Variants in SLC23A2 observed in about 807,000 individuals in gnomAD.
SLC23A2 encodes Na(+)/L-ascorbic acid transporter 2.
In SLC23A2, 36 loss-of-function variants were observed where a neutral mutation model predicts 73.3. The ratio of observed to expected loss-of-function variants is 0.49; its 90% CI spans 0.38 to 0.65. The LOEUF is 0.65. SLC23A2 is among the 30% of genes least tolerant of loss of function. The pLI is 0.00. For missense variants in SLC23A2, 507 were observed against 841.6 expected, an observed-to-expected ratio of 0.60 and a Z score of 4.92; for synonymous variants, 343 against 327.3, an observed-to-expected ratio of 1.05 and a Z score of -0.52.
At chr20:4,950,979 C>CTGGGGAGA (rs2087193081) in intron 2 of SLC23A2, among the ~76,000 whole-genome samples, 1 of 152,132 alleles carries the variant, frequency 6.6e-6, no homozygotes, top group Non-Finnish European at 1.5e-5. Flanking sequence ...GGTTGGGAGC[C>CTGGGGAGA]AGGTGCTTCA....
At chr20:4,944,274 C>CG (rs1391838264) in intron 2 of SLC23A2, among the ~76,000 whole-genome samples, 1 of 152,130 alleles carries the variant, frequency 6.6e-6, no homozygotes, top group East Asian at 1.9e-4. Flanking sequence ...GAGTCTTGCT[C>CG]CGTCGCCCAG....
rs1395814905 is a variant in SLC23A2 at position 4,899,370 on chromosome 20, C to T, written c.482+185G>A. 6.6e-6 allele frequency among the ~76,000 whole-genome samples: 1 copy of T among 151,948 alleles called. No homozygotes were observed. Among genetic ancestry groups the T allele is most frequent in the African/African-American group, 2.4e-5 (1 of 41,338 alleles). Reference sequence around the variant, plus strand: ...TGGGTAGGGGAAGGTGGCGGTGGTGCCATTCACCAAGAGAGGAAATGACTG... The same window carrying T: ...TGGGTAGGGGAAGGTGGCGGTGGTGTCATTCACCAAGAGAGGAAATGACTG... On this transcript the variant is annotated intron_variant, in intron 6 of 16. Coordinates refer to ENST00000338244, the MANE Select transcript of SLC23A2 (RefSeq NM_005116.6). This position sits in a 1 kb window ranked among gnomAD's most constrained non-coding sequence, Gnocchi z 4.9.
chr20:4,972,643 G>A (rs1258170390), intron 1 of SLC23A2, among the ~76,000 whole-genome samples: 2 of 151,962 alleles, frequency 1.3e-5, no homozygotes, highest in African/African-American at 2.4e-5. Flanking sequence ...CTGGAGTGCC[G>A]TGGCGCAATC....
At chr20:4,952,866 T>C (rs2087223976) in intron 2 of SLC23A2, among the ~76,000 whole-genome samples, 2 of 148,290 alleles carry the variant, frequency 1.3e-5, no homozygotes, top group African/African-American at 2.5e-5. Flanking sequence ...CTACTAAAAA[T>C]ACAAAAATTA....
chr20:4,990,971 CAAA>C (rs1198847840), intron 1 of SLC23A2, among the ~76,000 whole-genome samples: 4 of 56,826 alleles, frequency 7.0e-5, no homozygotes, highest in Non-Finnish European at 1.6e-4. Flanking sequence ...AACTCCATCT[CAAA>C]AAAAAAAAAA....
At chr20:4,911,456 CT>C in intron 4 of SLC23A2, among the ~76,000 whole-genome samples, 1 of 152,206 alleles carries the variant, frequency 6.6e-6, no homozygotes, top group East Asian at 1.9e-4. Context: ...TTCTTAATCA[CT>C]TTAGTGATTA....
intron 1 of SLC23A2, among the ~76,000 whole-genome samples, chr20:4,976,854 T>C (rs1247418563): frequency 1.3e-5 from 2 of 151,822 alleles, no homozygotes; most frequent in Admixed American, 1.3e-4. Flanking sequence ...CGCCCGCCTG[T>C]AGTCCCAGCT....
chr20:4,939,985 C>A (rs930104405), intron 2 of SLC23A2, among the ~76,000 whole-genome samples: 1 of 152,108 alleles, frequency 6.6e-6, no homozygotes, highest in Non-Finnish European at 1.5e-5. Context: ...TAATACCCCC[C>A]CAACAGGTCA....
In SLC23A2 at chr20:4,864,653, T is replaced by G. The variant is rs189376418; in HGVS notation, c.1357-1746A>C. ...GACTTGTTAGACTGGGACAGGTGAA[T>G]GCAAAGATGAATAAGTCACAAGCTT... On this transcript the variant is annotated intron_variant, in intron 13 of 16. Transcript: ENST00000338244. Among the ~76,000 whole-genome samples the G allele has an allele frequency of 2.5e-3, 376 of 152,332 alleles. 3 individuals carry two copies. Among genetic ancestry groups the G allele is most frequent in the African/African-American group, 8.7e-3 (360 of 41,568 alleles).
intron 4 of SLC23A2, among the ~76,000 whole-genome samples, chr20:4,904,394 T>A (rs1931862382): frequency 6.6e-6 from 1 of 152,190 alleles, no homozygotes. Flanking sequence ...TGGTGTCTCC[T>A]AGACCCTGCC....
intron 11 of SLC23A2, among the ~76,000 whole-genome samples, chr20:4,870,592 GAAA>G (rs1326856184): frequency 1.3e-5 from 2 of 151,428 alleles, no homozygotes; most frequent in African/African-American, 4.9e-5. Context: ...AAAAAAAGAA[GAAA>G]AAGAAGAAGA....
intron 6 of SLC23A2, among the ~76,000 whole-genome samples, chr20:4,887,728 C>T (rs1397138274): frequency 2.6e-5 from 4 of 152,178 alleles, no homozygotes; most frequent in Non-Finnish European, 4.4e-5. Flanking sequence ...AAAAGTCTCC[C>T]GAGATGATCT....
At chr20:4,922,801 C>T (rs954404903) in intron 3 of SLC23A2, among the ~76,000 whole-genome samples, 1 of 151,542 alleles carries the variant, frequency 6.6e-6, no homozygotes, top group Admixed American at 6.6e-5. Flanking sequence ...CACTGCACTC[C>T]AGCCTGGGTG....
At chr20:4,858,535 A>T (rs1929828191) in intron 16 of SLC23A2, among the ~76,000 whole-genome samples, 1 of 149,250 alleles carries the variant, frequency 6.7e-6, no homozygotes, top group East Asian at 2.0e-4. Context: ...GAGGTTTTTT[A>T]TTTTTTTTGG....
At chr20:5,004,289 T>C (rs1202232166), upstream of SLC23A2, among the ~76,000 whole-genome samples, 1 of 152,194 alleles carries the variant, frequency 6.6e-6, no homozygotes, top group African/African-American at 2.4e-5. Context: ...TTCAAACTGG[T>C]CTTTGAGTCC....
chr20:4,991,374 T>C (rs898650592), intron 1 of SLC23A2, among the ~76,000 whole-genome samples: 3 of 152,128 alleles, frequency 2.0e-5, no homozygotes, highest in Non-Finnish European at 1.5e-5. Flanking sequence ...CTTCCCAAAG[T>C]ACTGGGATTA....
chr20:5,002,760 C>T (rs1325223527), upstream of SLC23A2, among the ~76,000 whole-genome samples: 1 of 152,170 alleles, frequency 6.6e-6, no homozygotes, highest in Non-Finnish European at 1.5e-5. Flanking sequence ...GAGACAAGGT[C>T]TCACTCTGTC....
chr20:5,005,737 C>T (rs1009440980), upstream of SLC23A2, among the ~76,000 whole-genome samples: 1 of 152,144 alleles, frequency 6.6e-6, no homozygotes, highest in African/African-American at 2.4e-5. Context: ...CTTGTAATCC[C>T]AGCACTTTGG....
chr20:4,971,679 C>T (rs561423253), intron 1 of SLC23A2, among the ~76,000 whole-genome samples: 65 of 150,766 alleles, frequency 4.3e-4, no homozygotes, highest in Non-Finnish European at 8.4e-4. Flanking sequence ...CACAGCTACT[C>T]AGGAGGCTGA....
Sources: gnomAD v4.1 joint callset for allele counts (sites outside exome capture counted in the v4.1 genomes callset) on GRCh38, gnomAD v4.1.1 for gene constraint, Gnocchi (gnomAD v3.1) non-coding constraint, MANE v1.5 for transcripts, NCBI Gene and HGNC (gene_info 2026-07-23, HGNC 2026-07-21) for gene names.